The following HEATR5A variants were observed in gnomAD, a reference collection of about 807,000 sequenced individuals.
The protein encoded by HEATR5A is HEAT repeat containing 5A, also known as HEAT repeat-containing protein 5A.
Under a neutral mutation model 218.8 loss-of-function variants are expected in HEATR5A, and 178 were observed. The ratio of observed to expected loss-of-function variants is 0.81; its 90% CI spans 0.72 to 0.92. The LOEUF is 0.92. HEATR5A is among the 40% of genes least tolerant of loss of function. HEATR5A has a pLI of 0.00. For synonymous variants in HEATR5A, 864 were observed against 871.6 expected (o/e 0.99, Z 0.15); for missense variants, 2,420 against 2,418.9 (o/e 1.00, Z -0.01).
At chr14:31,371,064 G>A (rs1353417432) in intron 13 of HEATR5A, among the ~76,000 whole-genome samples, 1 of 152,144 alleles carries the variant, frequency 6.6e-6, no homozygotes, top group African/African-American at 2.4e-5. Context: ...GCCTGTTTTT[G>A]TAAATAAAGT....
intron 21 of HEATR5A, among the ~76,000 whole-genome samples, chr14:31,339,677 G>C (rs777849027): frequency 7.2e-5 from 11 of 152,094 alleles, no homozygotes; most frequent in Non-Finnish European, 1.3e-4. Flanking sequence ...ATACCTTCAA[G>C]CTGTATTATG....
intron 9 of HEATR5A, among the ~76,000 whole-genome samples, chr14:31,384,612 C>T (rs1181789392): frequency 6.0e-5 from 9 of 150,988 alleles, no homozygotes; most frequent in African/African-American, 1.5e-4. Flanking sequence ...CTGCAACCTT[C>T]GCCTTCCGGG....
chr14:31,300,734 C>T (rs1168412000), intron 33 of HEATR5A, among the ~76,000 whole-genome samples: 1 of 152,200 alleles, frequency 6.6e-6, no homozygotes, highest in Non-Finnish European at 1.5e-5. Context: ...GAAACTGTCA[C>T]AGTTTGACTT....
intron 11 of HEATR5A, among the ~76,000 whole-genome samples, chr14:31,376,665 G>C (rs1902239056): frequency 6.6e-6 from 1 of 152,112 alleles, no homozygotes; most frequent in African/African-American, 2.4e-5. Context: ...ATCAAAAAAG[G>C]TTTAAGTGTG....
chr14:31,376,933 G>A (rs1902249516), intron 11 of HEATR5A, among the ~76,000 whole-genome samples: 1 of 151,992 alleles, frequency 6.6e-6, no homozygotes, highest in African/African-American at 2.4e-5. Flanking sequence ...AAGATCAGCT[G>A]GGGAAACAGC....
chr14:31,345,670 G>C (rs1010786657), intron 19 of HEATR5A, among the ~76,000 whole-genome samples: 2 of 152,114 alleles, frequency 1.3e-5, no homozygotes, highest in African/African-American at 4.8e-5. Flanking sequence ...AGACATAAAA[G>C]AATATATGTT....
intron 16 of HEATR5A, among the ~76,000 whole-genome samples, chr14:31,354,256 T>A (rs780937157): frequency 2.0e-5 from 3 of 152,174 alleles, no homozygotes; most frequent in Non-Finnish European, 2.9e-5. Flanking sequence ...ATATCCTACA[T>A]CTGTTATCAT....
chr14:31,395,666 T>C (rs2030626903), intron 4 of HEATR5A, among the ~76,000 whole-genome samples: 2 of 152,322 alleles, frequency 1.3e-5, no homozygotes, highest in African/African-American at 4.8e-5. Context: ...TAAGCTAACC[T>C]ATTAAAAATG....
In HEATR5A at chr14:31,321,555, T is replaced by C. The variant is rs757637114; in HGVS notation, c.3913A>G (p.Thr1305Ala). The change falls in exon 25 of 36, where the codon ACT (threonine) becomes GCT (alanine). Residue 1305 changes from threonine to alanine, a missense_variant. Thr to Ala is a moderately conservative substitution (Grantham distance 58). Transcript: ENST00000543095. ...MLLVVIRRFA[T>A]VPEPEFPGHV... ...CCTGGAAACTCTGGTTCTGGAACAG[T>C]TGCAAATCGCCGAATAACAACTAAC... 3.1e-6 allele frequency: 5 copies of C among 1,606,112 alleles called. No homozygotes were observed. Among genetic ancestry groups the C allele is most frequent in the African/African-American group, 1.3e-5 (1 of 74,814 alleles).
chr14:31,302,134 T>G, intron 33 of HEATR5A, 161 bp downstream of exon 33: 1 of 605,750 alleles, frequency 1.7e-6, no homozygotes, highest in Non-Finnish European at 2.9e-6. Flanking sequence ...ACCCGGCCAA[T>G]TTTCTATCTA....
chr14:31,333,467 G>T (rs1595107019), intron 22 of HEATR5A, among the ~76,000 whole-genome samples: 1 of 151,974 alleles, frequency 6.6e-6, no homozygotes, highest in South Asian at 2.1e-4. Flanking sequence ...GGCCAGGCTG[G>T]TCTTGAACTC....
chr14:31,320,839 C>T (rs1476237739), intron 25 of HEATR5A, among the ~76,000 whole-genome samples: 1 of 152,152 alleles, frequency 6.6e-6, no homozygotes, highest in Admixed American at 6.6e-5. Context: ...ATCTTCCTGC[C>T]TCAGCCTTCT....
chr14:31,326,903 C>T (rs1231189700), intron 22 of HEATR5A, among the ~76,000 whole-genome samples: 1 of 152,008 alleles, frequency 6.6e-6, no homozygotes, highest in African/African-American at 2.4e-5. Context: ...TCTCAGCCTC[C>T]CAAAGTGCTG....
At chr14:31,323,515 A>G in intron 24 of HEATR5A, 50 bp downstream of exon 24, 1 of 1,428,470 alleles carries the variant, frequency 7.0e-7, no homozygotes, top group South Asian at 1.4e-5. Flanking sequence ...CCATAAGCAG[A>G]CAGCATTTTT....
In HEATR5A at chr14:31,325,431, T is replaced by C. The variant is rs1198900581; in HGVS notation, c.3547+732A>G. Among the ~76,000 whole-genome samples the C allele has an allele frequency of 2.0e-5, 3 of 152,216 alleles. No homozygotes were observed. In the East Asian group the frequency reaches 5.8e-4, roughly 29 times the overall value. On this transcript the variant is annotated intron_variant, in intron 23 of 35. Transcript: ENST00000543095. ...CATAACTTTGTATAACTTTCTCTTA[T>C]GGTGACTAAGTAATTTCATACGGTG...
At position 31,396,155 on chromosome 14, in the gene HEATR5A, G is replaced by C. The variant is rs1016168444; in HGVS notation, c.448-807C>G. 1.1e-4 allele frequency among the ~76,000 whole-genome samples: 17 copies of C among 152,170 alleles called. 2 individuals are homozygous for C. The highest frequency in any genetic ancestry group is 9.2e-4 in the Admixed American group (14 of 15,296). On this transcript the variant is annotated intron_variant, in intron 4 of 35. Coordinates refer to ENST00000543095, the MANE Select transcript of HEATR5A (RefSeq NM_015473.4). ...GCCGATTGCTTGAGCTCAGGACTTC[G>C]AGACCAGCCTGGGCAACATGGTGAA...
At chr14:31,303,130 A>G (rs1325678267) in intron 32 of HEATR5A, among the ~76,000 whole-genome samples, 2 of 151,796 alleles carry the variant, frequency 1.3e-5, no homozygotes, top group Non-Finnish European at 2.9e-5. Flanking sequence ...CCAACCAACT[A>G]ACAAAAAAAT....
intron 17 of HEATR5A, among the ~76,000 whole-genome samples, chr14:31,350,368 A>T (rs139448690): frequency 2.8e-4 from 42 of 152,342 alleles, no homozygotes; most frequent in African/African-American, 9.6e-4. Flanking sequence ...TCCCTGGCCC[A>T]GGATATCAGG....
intron 33 of HEATR5A, chr14:31,296,726 A>C (rs1206529751): frequency 1.3e-5 from 2 of 152,212 alleles, no homozygotes; most frequent in African/African-American, 4.8e-5. Context: ...TCATTAAATA[A>C]TTTTAATGAA....
Sources: gnomAD v4.1 joint callset for allele counts (sites outside exome capture counted in the v4.1 genomes callset) on GRCh38, gnomAD v4.1.1 for gene constraint, MANE v1.5 for transcripts, NCBI Gene and HGNC (gene_info 2026-07-23, HGNC 2026-07-21) for gene names.